Variants in PIP4K2C observed in about 807,000 individuals in gnomAD.
PIP4K2C encodes phosphatidylinositol 5-phosphate 4-kinase type-2 gamma.
In PIP4K2C, 21 loss-of-function variants were observed where a neutral mutation model predicts 45.0. That is an observed-to-expected ratio of 0.47 (90% confidence interval 0.33 to 0.67). PIP4K2C has a LOEUF of 0.67. Among genes scored for constraint, PIP4K2C ranks in the 30% least tolerant of loss-of-function variants. PIP4K2C has a pLI of 0.02. For missense variants in PIP4K2C, 456 were observed against 542.8 expected (o/e 0.84, Z 1.59); for synonymous variants, 201 against 204.8 (o/e 0.98, Z 0.16).
chr12:57,598,617 C>T (rs1282058786), intron 4 of PIP4K2C, among the ~76,000 whole-genome samples: 4 of 145,624 alleles, frequency 2.7e-5, no homozygotes, highest in Non-Finnish European at 5.9e-5. Flanking sequence ...ATTACAGTGA[C>T]AGAATGACAC....
At chr12:57,600,294 T>C in intron 6 of PIP4K2C, 30 bp from the exon 7 acceptor site, 1 of 1,442,864 alleles carries the variant, frequency 6.9e-7, no homozygotes, top group East Asian at 2.3e-5. Flanking sequence ...AAGGGATATG[T>C]TCCCAAGATG....
intron 1 of PIP4K2C, among the ~76,000 whole-genome samples, chr12:57,592,809 A>G (rs1471049960): frequency 2.6e-5 from 4 of 151,844 alleles, no homozygotes; most frequent in African/African-American, 7.3e-5. Context: ...CCTTGAACAT[A>G]TGTCTTAGTG....
rs1883453822 is a variant in PIP4K2C at position 57,601,783 on chromosome 12, C to T, written c.*177C>T. The T allele has an allele frequency of 1.6e-6, 1 of 614,534 alleles. No individual in the cohort carries two copies. The highest frequency in any genetic ancestry group is 2.7e-5 in the East Asian group (1 of 36,622). 38.1% of individuals were successfully genotyped at this position (614,534 alleles called of 1,614,324 possible). Reference sequence around the variant, plus strand: ...AGGCTCTTTCTGACCCTCAGAAATACATTGTCCTTTTTCCTCTTTGCCCAT... The same window carrying T: ...AGGCTCTTTCTGACCCTCAGAAATATATTGTCCTTTTTCCTCTTTGCCCAT... On this transcript the variant is annotated 3_prime_UTR_variant, in exon 10 of 10. Coordinates refer to ENST00000354947, the MANE Select transcript of PIP4K2C (RefSeq NM_024779.5).
chr12:57,591,338 G>A lies in PIP4K2C; in HGVS notation c.49G>A (p.Gly17Ser), dbSNP rs1882943371. The change falls in exon 1 of 10, where the codon GGC (glycine) becomes AGC (serine). Residue 17 changes from glycine to serine, a missense_variant. By Grantham distance (56) the Gly-to-Ser change is moderately conservative. Around this residue, in one of 2 missense-constraint regions of PIP4K2C, gnomAD observed 421 missense variants for 473.1 expected, o/e 0.89. Coordinates refer to ENST00000354947, the MANE Select transcript of PIP4K2C (RefSeq NM_024779.5). ...PPATVSAATA[G>S]PGPGFGFASK... ...AGCCACGGTATCGGCGGCGACAGCA[G>A]GCCCCGGCCCAGGTTTCGGCTTCGC... 6.2e-7 allele frequency: 1 copy of A among 1,613,282 alleles called. No homozygotes were observed. Among genetic ancestry groups the A allele is most frequent in the Non-Finnish European group, 8.5e-7 (1 of 1,179,758 alleles).
rs144510690 is a variant in PIP4K2C at position 57,595,957 on chromosome 12, C to G, written c.439C>G (p.Arg147Gly). The change falls in exon 4 of 10, where the codon CGG (arginine) becomes GGG (glycine). Residue 147 changes from arginine (R) to glycine (G), a missense_variant. By Grantham distance (125) the Arg-to-Gly change is moderately radical. Transcript: ENST00000354947. The part of the protein sequence containing the change: ...SDGRFLISYD[R>G]TLVIKEVSSE... ...TGGTCGCTTCCTTATCTCCTACGATCGGACTCTGGTCATCAAAGAAGTATC... is the reference window on the plus strand; with the variant it reads ...TGGTCGCTTCCTTATCTCCTACGATGGGACTCTGGTCATCAAAGAAGTATC... 2 of 1,613,910 alleles carry G rather than the reference C, an allele frequency of 1.2e-6. No homozygotes were observed. Among genetic ancestry groups the G allele is most frequent in the Non-Finnish European group, 1.7e-6 (2 of 1,179,824 alleles).
intron 1 of PIP4K2C, 93 bp from the exon 2 acceptor site, chr12:57,593,932 G>C (rs1883079793): frequency 1.3e-6 from 1 of 793,978 alleles, no homozygotes; most frequent in Admixed American, 2.5e-5. Flanking sequence ...TGAGGTCTGA[G>C]TGGCCCTTGC....
chr12:57,597,569 A>G lies in PIP4K2C; in HGVS notation c.514-1496A>G, dbSNP rs370440594. Reference sequence around the variant, plus strand: ...GACTGGGAGTATAGGTTTGAGAATTATATGTGAGTAAGTGATCATTAAAAC... The same window carrying G: ...GACTGGGAGTATAGGTTTGAGAATTGTATGTGAGTAAGTGATCATTAAAAC... On this transcript the variant is annotated intron_variant, in intron 4 of 9. Coordinates refer to ENST00000354947, the MANE Select transcript of PIP4K2C (RefSeq NM_024779.5). 6.6e-4 allele frequency among the ~76,000 whole-genome samples: 100 copies of G among 152,330 alleles called. 1 individual carries two copies. In the Middle Eastern group the frequency reaches 0.017, roughly 26 times the overall value.
Position 57,594,008 on chromosome 12 carries a change from A to C in PIP4K2C, c.175-17A>C. On this transcript the variant is annotated splice_polypyrimidine_tract_variant and intron_variant, in intron 1 of 9. Coordinates refer to ENST00000354947, the MANE Select transcript of PIP4K2C (RefSeq NM_024779.5). ...ACCCTTCTTCATGGCTTCCCTATTC[A>C]TGGTTTGGCTTATCAGATCAATGAG... The C allele has an allele frequency of 1.2e-6, 2 of 1,608,066 alleles. No individual in the cohort carries two copies. Among genetic ancestry groups the C allele is most frequent in the Non-Finnish European group, 1.7e-6 (2 of 1,175,702 alleles).
intron 7 of PIP4K2C, 149 bp from the exon 8 acceptor site, chr12:57,600,662 G>A (rs1883388485): frequency 1.0e-6 from 1 of 965,500 alleles, no homozygotes; most frequent in African/African-American, 1.6e-5. Flanking sequence ...AGGACATATA[G>A]GCACTAAAGG....
chr12:57,596,440 G>A (rs1021740654), intron 4 of PIP4K2C, among the ~76,000 whole-genome samples: 3 of 150,600 alleles, frequency 2.0e-5, no homozygotes, highest in Non-Finnish European at 2.9e-5. Context: ...AGCCGAGATC[G>A]TGCATTTGCA....
intron 1 of PIP4K2C, among the ~76,000 whole-genome samples, chr12:57,592,535 G>C (rs375836270): frequency 6.6e-6 from 1 of 152,122 alleles, no homozygotes; most frequent in South Asian, 2.1e-4. Flanking sequence ...GTGGCTCTCT[G>C]GGTGGTAAGC....
At chr12:57,600,097 G>A (rs1340106621) in intron 6 of PIP4K2C, among the ~76,000 whole-genome samples, 2 of 151,974 alleles carry the variant, frequency 1.3e-5, no homozygotes, top group Non-Finnish European at 2.9e-5. Context: ...AGCCTGGAGG[G>A]TCTTGGCTAA....
Position 57,596,019 on chromosome 12 carries a change from C to T in PIP4K2C, c.501C>T (p.Ser167=), listed in dbSNP as rs1368921941. 1 of 1,613,756 alleles carries T rather than the reference C, an allele frequency of 6.2e-7. No homozygotes were observed. The highest frequency in any genetic ancestry group is 1.3e-5 in the African/African-American group (1 of 75,040). ...TTGCTGACATGCATAGCAACCTCTCCAACTATCACCAGGTCAGGCCTCTCT... is the reference window on the plus strand; with the variant it reads ...TTGCTGACATGCATAGCAACCTCTCTAACTATCACCAGGTCAGGCCTCTCT... ...EDIADMHSNL[S]NYHQYIVKCH... is the part of the protein sequence containing the mutation. The change falls in exon 4 of 10, where the codon TCC becomes TCT. Residue 167 remains serine, a synonymous_variant. Transcript: ENST00000354947.
In PIP4K2C at chr12:57,591,466, G is replaced by A. The variant is rs1321757506; in HGVS notation, c.174+3G>A. 1 of 1,609,744 alleles carries A rather than the reference G, an allele frequency of 6.2e-7. No homozygotes were observed. Among genetic ancestry groups the A allele is most frequent in the Non-Finnish European group, 8.5e-7 (1 of 1,177,920 alleles). On this transcript the variant is annotated splice_donor_region_variant and intron_variant, in intron 1 of 9. Coordinates refer to ENST00000354947, the MANE Select transcript of PIP4K2C (RefSeq NM_024779.5). ...TCCTGTGGGGCGTAGCCCACTCGGT[G>A]AGAACCAGCCCTAGACCCCCGCAGC...
rs2277319 is a variant in PIP4K2C at position 57,600,896 on chromosome 12, C to T, written c.899C>T (p.Ala300Val). The T allele has an allele frequency of 1.9e-5, 30 of 1,614,056 alleles. No homozygotes were observed. In the East Asian group the frequency reaches 3.6e-4, roughly 19 times the overall value. ...CGGGGCTCTGAACCAGAGGAGGAAGCGCCCGTGCGGGAGGATGAGTCAGAG... is the reference window on the plus strand; with the variant it reads ...CGGGGCTCTGAACCAGAGGAGGAAGTGCCCGTGCGGGAGGATGAGTCAGAG... ...IIRGSEPEEE[A>V]PVREDESEVD... Residue 300 changes from alanine to valine, a missense_variant, in exon 8 of 10, where the codon GCG becomes GTG. By Grantham distance (64) the Ala-to-Val change is moderately conservative. Around this residue, in one of 2 missense-constraint regions of PIP4K2C, gnomAD observed 421 missense variants for 473.1 expected, o/e 0.89. Coordinates refer to ENST00000354947, the MANE Select transcript of PIP4K2C (RefSeq NM_024779.5).
chr12:57,596,417 G>A (rs907669789), intron 4 of PIP4K2C, among the ~76,000 whole-genome samples: 4 of 151,778 alleles, frequency 2.6e-5, no homozygotes, highest in Admixed American at 6.6e-5. Flanking sequence ...CCCGGGAAGC[G>A]GAGGTTGTAG....
At chr12:57,598,984 T>C in intron 4 of PIP4K2C, 81 bp from the exon 5 acceptor site, 1 of 1,447,198 alleles carries the variant, frequency 6.9e-7, no homozygotes, top group Non-Finnish European at 9.5e-7. Context: ...TACCCTGGAA[T>C]GGCAGTGTTT....
In PIP4K2C at chr12:57,601,491, T is replaced by C. The variant is rs765894772; in HGVS notation, c.1186-35T>C. The C allele has an allele frequency of 2.5e-6, 4 of 1,583,562 alleles. No individual in the cohort carries two copies. In the South Asian group the frequency reaches 3.3e-5, roughly 13 times the overall value. On this transcript the variant is annotated intron_variant, in intron 9 of 9. Coordinates refer to ENST00000354947, the MANE Select transcript of PIP4K2C (RefSeq NM_024779.5). ...GGGGTGATGGGGACGGGTGCTAGGG[T>C]GGCCTGACATATTGTTCCGTATCTC...
chr12:57,601,006 C>T lies in PIP4K2C; in HGVS notation c.1009C>T (p.His337Tyr). The T allele has an allele frequency of 6.2e-7, 1 of 1,614,108 alleles. No homozygotes were observed. The change falls in exon 8 of 10, where the codon CAT (histidine) becomes TAT (tyrosine). Residue 337 changes from histidine to tyrosine, a missense_variant. Transcript: ENST00000354947. ...CCCAGAGGGTATCGGAGGCTACATC[C>T]ATTCCCATCGGCCCCTGGGCCCAGG... ...TSPEGIGGYIHSHRPLGPGEF... is the reference protein window; with the variant it reads ...TSPEGIGGYIYSHRPLGPGEF...
Sources: gnomAD v4.1 joint callset for allele counts (sites outside exome capture counted in the v4.1 genomes callset) on GRCh38, gnomAD v4.1.1 for gene constraint, gnomAD v4.1.1 regional missense constraint, MANE v1.5 for transcripts, NCBI Gene and HGNC (gene_info 2026-07-23, HGNC 2026-07-21) for gene names.